Variants in ADAMTSL1 observed in about 807,000 individuals in gnomAD.
The protein encoded by ADAMTSL1 is ADAMTS like 1.
In ADAMTSL1, 126 loss-of-function variants were observed where a neutral mutation model predicts 201.8. That is an observed-to-expected ratio of 0.62 (90% CI 0.54 to 0.72). The LOEUF is 0.72. Ranked by LOEUF, ADAMTSL1 falls within the 30% of genes least tolerant of loss-of-function variation. The pLI is 0.00. For synonymous variants in ADAMTSL1, 1,121 were observed against 903.4 expected (o/e 1.24, Z -4.32); for missense variants, 2,679 against 2,277.8 (o/e 1.18, Z -3.59).
intron 23 of ADAMTSL1, among the ~76,000 whole-genome samples, chr9:18,866,071 T>C (rs1827517505): frequency 7.5e-6 from 1 of 133,062 alleles, no homozygotes; most frequent in South Asian, 2.5e-4. Context: ...TGTTTTTTGG[T>C]GTCCTTGTAA....
At chr9:18,645,798 A>G (rs1016225652) in intron 7 of ADAMTSL1, among the ~76,000 whole-genome samples, 7 of 139,142 alleles carry the variant, frequency 5.0e-5, no homozygotes, top group African/African-American at 8.1e-5. Context: ...GTAGCCTTGT[A>G]GTATAGTTTG....
chr9:17,944,547 C>G (rs1812578256), intron 1 of ADAMTSL1, among the ~76,000 whole-genome samples: 1 of 150,108 alleles, frequency 6.7e-6, no homozygotes, highest in African/African-American at 2.4e-5. Context: ...AGGCATCACA[C>G]TACCTGACTT....
chr9:18,642,736 A>T (rs1827531514), intron 7 of ADAMTSL1, among the ~76,000 whole-genome samples: 4 of 151,938 alleles, frequency 2.6e-5, no homozygotes, highest in Admixed American at 2.6e-4. Context: ...CTCCAGGTTC[A>T]TCCACATTGT....
At chr9:18,698,705 G>A (rs974356244) in intron 13 of ADAMTSL1, among the ~76,000 whole-genome samples, 2 of 152,148 alleles carry the variant, frequency 1.3e-5, no homozygotes, top group African/African-American at 4.8e-5. Flanking sequence ...TAATTCAAGA[G>A]GAAGAAGTAT....
At chr9:18,583,617 G>C (rs1255588182) in intron 4 of ADAMTSL1, among the ~76,000 whole-genome samples, 1 of 152,174 alleles carries the variant, frequency 6.6e-6, no homozygotes, top group Non-Finnish European at 1.5e-5. Context: ...TCCACTGACA[G>C]CTTGCACTGT....
intron 2 of ADAMTSL1, among the ~76,000 whole-genome samples, chr9:18,335,243 T>C (rs1835185330): frequency 6.6e-6 from 1 of 152,156 alleles, no homozygotes; most frequent in African/African-American, 2.4e-5. Context: ...TCCCTAAAGT[T>C]ATTGGGTTAA....
chr9:18,479,342 C>G (rs1449107477), intron 1 of ADAMTSL1, among the ~76,000 whole-genome samples: 1 of 152,166 alleles, frequency 6.6e-6, no homozygotes, highest in African/African-American at 2.4e-5. Context: ...TTGTCTTTCC[C>G]AAGAAACTCA....
At chr9:18,015,309 T>C (rs1490742823) in intron 1 of ADAMTSL1, among the ~76,000 whole-genome samples, 3 of 152,062 alleles carry the variant, frequency 2.0e-5, no homozygotes, top group East Asian at 1.9e-4. Flanking sequence ...AGGAAGTTTC[T>C]AAAGGAAAGC....
intron 1 of ADAMTSL1, among the ~76,000 whole-genome samples, chr9:18,151,760 A>G (rs1374713530): frequency 6.6e-6 from 1 of 152,006 alleles, no homozygotes; most frequent in Non-Finnish European, 1.5e-5. Flanking sequence ...CCCAAAACAC[A>G]AAAGGCCCAA....
At chr9:18,024,788 T>C (rs1349077580) in intron 1 of ADAMTSL1, among the ~76,000 whole-genome samples, 3 of 152,170 alleles carry the variant, frequency 2.0e-5, no homozygotes, top group Non-Finnish European at 4.4e-5. Context: ...TACCCAGTAA[T>C]GGGATTGCTG....
At chr9:18,412,209 C>T (rs181972004) in intron 2 of ADAMTSL1, among the ~76,000 whole-genome samples, 1 of 152,232 alleles carries the variant, frequency 6.6e-6, no homozygotes, top group Admixed American at 6.5e-5. Context: ...TCCGTTTTTC[C>T]GGCAAGAACA....
Position 18,103,043 on chromosome 9 carries a change from A to T in ADAMTSL1, c.88-60819A>T, listed in dbSNP as rs569383087. Among the ~76,000 whole-genome samples the T allele has an allele frequency of 2.3e-3, 347 of 152,266 alleles. 2 individuals carry two copies. The highest frequency in any genetic ancestry group is 7.9e-3 in the African/African-American group (330 of 41,568). ...ATCCCTATACGTGGGTTCTTATGCCACTTTTATATATGTTGTCTGAAAAGT... is the reference window on the plus strand; with the variant it reads ...ATCCCTATACGTGGGTTCTTATGCCTCTTTTATATATGTTGTCTGAAAAGT... On this transcript the variant is annotated intron_variant, in intron 1 of 29. Coordinates refer to the ADAMTSL1 transcript ENST00000680146.
intron 1 of ADAMTSL1, among the ~76,000 whole-genome samples, chr9:17,944,391 A>G (rs1406067192): frequency 1.3e-5 from 2 of 152,188 alleles, no homozygotes; most frequent in South Asian, 2.1e-4. Flanking sequence ...CATACTGCCC[A>G]AGGTAATTTA....
At chr9:18,234,060 A>G (rs1258221555) in intron 2 of ADAMTSL1, among the ~76,000 whole-genome samples, 1 of 152,142 alleles carries the variant, frequency 6.6e-6, no homozygotes, top group Non-Finnish European at 1.5e-5. Flanking sequence ...GATGGAGAGA[A>G]GTGCACACAT....
chr9:18,450,055 T>A (rs1820345938), intron 2 of ADAMTSL1, among the ~76,000 whole-genome samples: 1 of 152,214 alleles, frequency 6.6e-6, no homozygotes. Flanking sequence ...GATTTCTCCA[T>A]GCAAATATAT....
At chr9:17,970,834 T>A (rs950868727) in intron 1 of ADAMTSL1, among the ~76,000 whole-genome samples, 3 of 152,012 alleles carry the variant, frequency 2.0e-5, no homozygotes, top group African/African-American at 7.2e-5. Context: ...ATTTATGTCT[T>A]TTCCCTGTGA....
chr9:18,147,617 A>C (rs1826702255), intron 1 of ADAMTSL1, among the ~76,000 whole-genome samples: 1 of 152,154 alleles, frequency 6.6e-6, no homozygotes, highest in Non-Finnish European at 1.5e-5. Flanking sequence ...CACTGCCATC[A>C]ACTAAGCAGA....
intron 1 of ADAMTSL1, among the ~76,000 whole-genome samples, chr9:18,122,775 T>C (rs62549866): frequency 0.019 from 2,940 of 152,206 alleles, 55 homozygotes; most frequent in East Asian, 0.095. Flanking sequence ...CAGGGCAGGT[T>C]GGTTTTTTGT....
At chr9:18,116,042 C>G (rs1825235178) in intron 1 of ADAMTSL1, among the ~76,000 whole-genome samples, 1 of 152,128 alleles carries the variant, frequency 6.6e-6, no homozygotes, top group Admixed American at 6.5e-5. Flanking sequence ...CCATGTCATG[C>G]CAGCACTATT....
Sources: allele counts gnomAD v4.1 joint callset (sites outside exome capture counted in the v4.1 genomes callset), GRCh38; gene constraint gnomAD v4.1.1; transcripts MANE v1.5; gene names NCBI Gene and HGNC (gene_info 2026-07-23, HGNC 2026-07-21).